The following FBXL13 variants were observed in gnomAD, a reference collection of about 807,000 sequenced individuals.
FBXL13 encodes F-box and leucine rich repeat protein 13.
In FBXL13, 67 loss-of-function variants were observed where a neutral mutation model predicts 83.6. The observed-to-expected ratio is 0.80, with a 90% CI of 0.66 to 0.98. The LOEUF (loss-of-function observed/expected upper bound fraction) is 0.98, where lower values mean the gene tolerates loss of function less well. Ranked by LOEUF, FBXL13 falls within the 50% of genes least tolerant of loss-of-function variation. FBXL13 has a pLI of 0.00. For missense variants in FBXL13, 822 were observed against 866.5 expected, an observed-to-expected ratio of 0.95 and a Z score of 0.64; for synonymous variants, 272 against 299.5, an observed-to-expected ratio of 0.91 and a Z score of 0.95.
chr7:102,879,088 T>C (rs895605525), intron 14 of FBXL13, among the ~76,000 whole-genome samples: 31 of 152,330 alleles, frequency 2.0e-4, no homozygotes, highest in African/African-American at 6.7e-4. Context: ...CTGTCTTCCA[T>C]TGGGATCTTC....
intron 8 of FBXL13, among the ~76,000 whole-genome samples, chr7:102,957,744 T>G (rs983502709): frequency 1.3e-5 from 2 of 152,160 alleles, no homozygotes; most frequent in African/African-American, 4.8e-5. Context: ...CAGACACTTC[T>G]TAAAAGAAGA....
intron 18 of FBXL13, among the ~76,000 whole-genome samples, chr7:102,826,769 A>ATGTATG (rs1554400934): frequency 4.0e-5 from 4 of 100,742 alleles, no homozygotes; most frequent in Non-Finnish European, 6.0e-5. Flanking sequence ...ATATATATAT[A>ATGTATG]TATGTATATA....
At chr7:102,978,657 G>A (rs972123129) in intron 6 of FBXL13, 8 of 236,902 alleles carry the variant, frequency 3.4e-5, no homozygotes, top group Admixed American at 2.8e-4. Flanking sequence ...TTAAAACAGC[G>A]TGTTGCTCCA....
At chr7:103,054,699 T>C (rs1161930912) in intron 2 of FBXL13, among the ~76,000 whole-genome samples, 4 of 152,054 alleles carry the variant, frequency 2.6e-5, no homozygotes, top group African/African-American at 4.8e-5. Flanking sequence ...GCAGAGAGAA[T>C]GGGCGGTGGA....
chr7:102,909,176 C>T (rs1451708454), intron 11 of FBXL13, among the ~76,000 whole-genome samples: 2 of 152,166 alleles, frequency 1.3e-5, no homozygotes, highest in Non-Finnish European at 2.9e-5. Context: ...CTGTAGCCAC[C>T]GCCACCCCAG....
At chr7:102,953,960 G>A (rs1823823505) in intron 8 of FBXL13, among the ~76,000 whole-genome samples, 1 of 152,104 alleles carries the variant, frequency 6.6e-6, no homozygotes. Context: ...AACAAGGGGT[G>A]TTCCAAGATG....
intron 10 of FBXL13, among the ~76,000 whole-genome samples, chr7:102,920,200 CCAATAGCCACTAAT>C (rs1816708347): frequency 6.6e-6 from 1 of 152,032 alleles, no homozygotes; most frequent in Non-Finnish European, 1.5e-5. Flanking sequence ...TAAAAACATG[CCAATAGCCACTAAT>C]TAGAATACAC....
At chr7:102,948,918 G>T (rs1238243062) in intron 8 of FBXL13, among the ~76,000 whole-genome samples, 2 of 151,924 alleles carry the variant, frequency 1.3e-5, no homozygotes, top group Non-Finnish European at 2.9e-5. Context: ...CGCCATGTTG[G>T]CCAGGCTGGG....
intron 18 of FBXL13, among the ~76,000 whole-genome samples, chr7:102,831,391 C>T (rs1397796668): frequency 5.8e-5 from 7 of 120,930 alleles, no homozygotes; most frequent in East Asian, 2.4e-4. Flanking sequence ...CTACAGTGCC[C>T]GGGACACACA....
intron 11 of FBXL13, among the ~76,000 whole-genome samples, chr7:102,886,581 C>T (rs1311378009): frequency 6.6e-6 from 1 of 152,152 alleles, no homozygotes; most frequent in Non-Finnish European, 1.5e-5. Context: ...ATCATAACTA[C>T]AATTATATTC....
intron 10 of FBXL13, among the ~76,000 whole-genome samples, chr7:102,920,499 G>A (rs1364860081): frequency 6.6e-6 from 1 of 151,898 alleles, no homozygotes; most frequent in Non-Finnish European, 1.5e-5. Context: ...ACAGGTGCAT[G>A]CCACCACACC....
At chr7:103,016,049 T>A (rs142918903) in intron 6 of FBXL13, among the ~76,000 whole-genome samples, 2,195 of 152,044 alleles carry the variant, frequency 0.014, 20 homozygotes, top group Middle Eastern at 0.031. Flanking sequence ...TGCTCATGGA[T>A]AGGAAGAATC....
At chr7:102,829,156 T>C (rs1165251183) in intron 18 of FBXL13, among the ~76,000 whole-genome samples, 1 of 152,214 alleles carries the variant, frequency 6.6e-6, no homozygotes, top group Non-Finnish European at 1.5e-5. Context: ...GCGGTGCAAG[T>C]GGAACATTTA....
At chr7:103,034,546 A>G (rs1228776978) in intron 2 of FBXL13, among the ~76,000 whole-genome samples, 1 of 152,236 alleles carries the variant, frequency 6.6e-6, no homozygotes, top group Non-Finnish European at 1.5e-5. Flanking sequence ...CTGGCCCGCA[A>G]GCACAGTGGG....
chr7:102,837,213 C>T (rs1802144075), intron 17 of FBXL13, among the ~76,000 whole-genome samples: 1 of 152,220 alleles, frequency 6.6e-6, no homozygotes, highest in Admixed American at 6.5e-5. Context: ...CATGGCCTGG[C>T]ACCACAACTA....
chr7:102,999,333 C>A (rs1006089419), intron 6 of FBXL13, among the ~76,000 whole-genome samples: 2 of 152,098 alleles, frequency 1.3e-5, no homozygotes, highest in South Asian at 2.1e-4. Context: ...AGTATTTTAT[C>A]GAAGATTTTT....
At chr7:103,046,263 C>A (rs998036948) in intron 2 of FBXL13, among the ~76,000 whole-genome samples, 2 of 152,118 alleles carry the variant, frequency 1.3e-5, no homozygotes, top group Non-Finnish European at 2.9e-5. Flanking sequence ...TCTGTTTAGC[C>A]AATTATATTA....
chr7:102,966,774 CAAT>C (rs1287973671), intron 7 of FBXL13, among the ~76,000 whole-genome samples: 1 of 152,184 alleles, frequency 6.6e-6, no homozygotes, highest in Non-Finnish European at 1.5e-5. Flanking sequence ...TTAGCACAAA[CAAT>C]AACTTTATTC....
chr7:102,987,213 G>A (rs1829076868), intron 6 of FBXL13, among the ~76,000 whole-genome samples: 1 of 152,034 alleles, frequency 6.6e-6, no homozygotes, highest in Non-Finnish European at 1.5e-5. Flanking sequence ...CACTATTCAG[G>A]TGACAGGTAC....
Sources: gnomAD v4.1 joint callset for allele counts (sites outside exome capture counted in the v4.1 genomes callset) on GRCh38, gnomAD v4.1.1 for gene constraint, MANE v1.5 for transcripts, NCBI Gene and HGNC (gene_info 2026-07-23, HGNC 2026-07-21) for gene names.